STK10: variants seen among roughly 807,000 people sequenced by gnomAD.
The protein encoded by STK10 is serine/threonine-protein kinase 10.
In STK10, 78 loss-of-function variants were observed where a neutral mutation model predicts 113.8. That is an observed-to-expected ratio of 0.69 (90% confidence interval 0.57 to 0.83). The LOEUF (loss-of-function observed/expected upper bound fraction) is 0.83. Ranked by LOEUF, STK10 falls within the 40% of genes least tolerant of loss-of-function variation. The probability of loss-of-function intolerance (pLI) is 0.00; values close to 1 mark genes in which losing one functional copy is unlikely to be tolerated. For synonymous variants in STK10, 465 were observed against 494.7 expected (o/e 0.94, Z 0.80); for missense variants, 1,109 against 1,280.1 (o/e 0.87, Z 2.04).
At chr5:172,091,874 C>T (rs961104228) in intron 9 of STK10, among the ~76,000 whole-genome samples, 2 of 152,162 alleles carry the variant, frequency 1.3e-5, no homozygotes, top group African/African-American at 2.4e-5. Context: ...CTTCCTAACA[C>T]GGGGCCTCCC....
intron 1 of STK10, among the ~76,000 whole-genome samples, chr5:172,170,681 T>G (rs79098745): frequency 0.04 from 6,122 of 152,270 alleles, 380 homozygotes; most frequent in African/African-American, 0.14. Flanking sequence ...AGATACCAAG[T>G]CTTGGCCTTG....
rs547806719 is a variant in STK10 at position 172,104,019 on chromosome 5, C to T, written c.870+1637G>A. Among the ~76,000 whole-genome samples, 317 of 152,356 alleles carry T rather than the reference C, an allele frequency of 2.1e-3. 2 individuals are homozygous for T. The highest frequency in any genetic ancestry group is 6.9e-3 in the African/African-American group (288 of 41,572). ...CCAGCTCACACTCATAATAACTAAGCTGCTACCCCAGAAGGACGCACAGTG... is the reference window on the plus strand; with the variant it reads ...CCAGCTCACACTCATAATAACTAAGTTGCTACCCCAGAAGGACGCACAGTG... On this transcript the variant is annotated intron_variant, in intron 7 of 18. Coordinates refer to ENST00000176763, the MANE Select transcript of STK10 (RefSeq NM_005990.4).
intron 3 of STK10, 120 bp downstream of exon 3, chr5:172,127,253 G>A: frequency 9.5e-7 from 1 of 1,047,560 alleles, no homozygotes; most frequent in Non-Finnish European, 1.4e-6. Flanking sequence ...AGAGGCCATG[G>A]GAACTGATGG....
At chr5:172,137,665 G>C (rs1164422842) in intron 2 of STK10, among the ~76,000 whole-genome samples, 1 of 150,776 alleles carries the variant, frequency 6.6e-6, no homozygotes, top group Non-Finnish European at 1.5e-5. Flanking sequence ...CGGATCACAA[G>C]GTCAGGAGAT....
At chr5:172,068,451 G>A (rs1768114995) in intron 12 of STK10, among the ~76,000 whole-genome samples, 1 of 152,146 alleles carries the variant, frequency 6.6e-6, no homozygotes, top group Admixed American at 6.6e-5. Flanking sequence ...TGGTCAGGAA[G>A]AAAGGCTACA....
At chr5:172,138,364 C>G (rs892137147) in intron 2 of STK10, among the ~76,000 whole-genome samples, 1 of 152,080 alleles carries the variant, frequency 6.6e-6, no homozygotes. Context: ...CCTTGTGATC[C>G]GCCCACCTTG....
intron 1 of STK10, among the ~76,000 whole-genome samples, chr5:172,186,920 C>A (rs532251958): frequency 6.6e-6 from 1 of 152,156 alleles, no homozygotes; most frequent in South Asian, 2.1e-4. Context: ...ATCCTAGGGT[C>A]AGAGTGCCCT....
intron 4 of STK10, 94 bp from the exon 5 acceptor site, chr5:172,107,946 A>C: frequency 1.0e-6 from 1 of 991,798 alleles, no homozygotes; most frequent in Non-Finnish European, 1.6e-6. Flanking sequence ...CAAGTCGACT[A>C]ACAGATGCCA....
intron 2 of STK10, among the ~76,000 whole-genome samples, chr5:172,143,726 G>C (rs1469987713): frequency 6.6e-6 from 1 of 152,184 alleles, no homozygotes; most frequent in African/African-American, 2.4e-5. Context: ...GGACTATGTA[G>C]GTTCAAAGTG....
At chr5:172,056,600 G>A (rs148174801) in intron 15 of STK10, among the ~76,000 whole-genome samples, 3 of 152,260 alleles carry the variant, frequency 2.0e-5, no homozygotes, top group East Asian at 1.9e-4. Context: ...AGGCACAGTG[G>A]CTCACGCCTG....
chr5:172,137,368 G>T (rs1003356466), intron 2 of STK10, among the ~76,000 whole-genome samples: 4 of 151,776 alleles, frequency 2.6e-5, no homozygotes, highest in Non-Finnish European at 5.9e-5. Context: ...TGATCAAGTG[G>T]GATTTATTCC....
intron 12 of STK10, among the ~76,000 whole-genome samples, chr5:172,074,353 G>C (rs10061054): frequency 7.2e-5 from 11 of 151,968 alleles, no homozygotes; most frequent in Non-Finnish European, 1.5e-4. Context: ...CAAATAGATC[G>C]GTGAAACAGC....
At chr5:172,097,296 T>A (rs1768878165) in intron 7 of STK10, among the ~76,000 whole-genome samples, 1 of 152,218 alleles carries the variant, frequency 6.6e-6, no homozygotes, top group African/African-American at 2.4e-5. Context: ...CGCCTCAGCC[T>A]CCCAAAGTGC....
chr5:172,060,145 T>C (rs778844768), intron 14 of STK10, among the ~76,000 whole-genome samples: 26 of 152,174 alleles, frequency 1.7e-4, no homozygotes, highest in Non-Finnish European at 2.9e-4. Flanking sequence ...CGTTGGCTTA[T>C]GCCTCTAATC....
At position 172,165,942 on chromosome 5, in the gene STK10, C is replaced by T. The variant is rs140810406; in HGVS notation, c.157-9154G>A. On this transcript the variant is annotated intron_variant, in intron 1 of 18. Coordinates refer to ENST00000176763, the MANE Select transcript of STK10 (RefSeq NM_005990.4). The stretch of plus-strand genomic sequence containing the variant: ...CCGAGTAGCTGGGATTACAGGCATG[C>T]GCCACCACGCCCGGCTGTTTTTGTA... Among the ~76,000 whole-genome samples, 1,356 of 152,184 alleles carry T rather than the reference C, an allele frequency of 8.9e-3. 14 individuals are homozygous for T. The highest frequency in any genetic ancestry group is 0.025 in the African/African-American group (1,029 of 41,518).
At chr5:172,129,314 G>A (rs369636107) in intron 2 of STK10, among the ~76,000 whole-genome samples, 32 of 152,284 alleles carry the variant, frequency 2.1e-4, no homozygotes, top group East Asian at 7.7e-4. Context: ...TGTGTGCCAC[G>A]GCAGAGAGCT....
intron 4 of STK10, among the ~76,000 whole-genome samples, chr5:172,110,786 A>G (rs1246591035): frequency 6.6e-6 from 1 of 152,158 alleles, no homozygotes; most frequent in Admixed American, 6.6e-5. Context: ...TTTCCTGAGG[A>G]TTAAATGACA....
intron 2 of STK10, among the ~76,000 whole-genome samples, chr5:172,146,201 G>A (rs182735450): frequency 8.7e-4 from 132 of 152,328 alleles, no homozygotes; most frequent in African/African-American, 3.1e-3. Context: ...CTAAACTGCC[G>A]GGCCCACAGC....
intron 10 of STK10, among the ~76,000 whole-genome samples, chr5:172,089,468 G>A (rs984522364): frequency 6.6e-6 from 1 of 151,818 alleles, no homozygotes; most frequent in African/African-American, 2.4e-5. Flanking sequence ...ATAGGTGGAA[G>A]GCTGAATGGG....
Sources: allele counts gnomAD v4.1 joint callset (sites outside exome capture counted in the v4.1 genomes callset), GRCh38; gene constraint gnomAD v4.1.1; transcripts MANE v1.5; gene names NCBI Gene and HGNC (gene_info 2026-07-23, HGNC 2026-07-21).